Variants in ZNF536 observed in about 807,000 individuals in gnomAD.
ZNF536 encodes the protein zinc finger protein 536.
ZNF536 carries 13 observed loss-of-function variants against 84.5 expected under a neutral mutation model. The observed-to-expected ratio is 0.15, with a 90% CI of 0.10 to 0.24. ZNF536 has a LOEUF of 0.24. ZNF536 is among the 10% of genes least tolerant of loss of function. The pLI is 1.00. For missense variants in ZNF536, 1,536 were observed against 1,747.5 expected (o/e 0.88, Z 2.16); for synonymous variants, 811 against 742.5 (o/e 1.09, Z -1.50).
At chr19:30,621,980 C>T (rs1332990047) in intron 1 of ZNF536, among the ~76,000 whole-genome samples, 4 of 152,254 alleles carry the variant, frequency 2.6e-5, no homozygotes, top group African/African-American at 9.6e-5. Context: ...CTCCTCAAAA[C>T]AGAAGATTAA....
rs2148179796 is a variant in ZNF536, at chr19:30,444,336, C to G, written c.774C>G (p.Pro258=). Residue 258 remains proline (P), a synonymous_variant, in exon 2 of 5, where the codon CCC becomes CCG. Transcript: ENST00000355537. ...ACGTGGCCCACCCGGTGCCCTCGCC[C>G]AAGCCTGCCAGCGTGCAGGAGGACG... ...VPDVAHPVPS[P]KPASVQEDAV... The G allele has an allele frequency of 1.3e-6, 2 of 1,595,062 alleles. No individual in the cohort carries two copies. Among genetic ancestry groups the G allele is most frequent in the Non-Finnish European group, 1.7e-6 (2 of 1,176,720 alleles).
At chr19:30,630,445 G>T (rs1043150370) in intron 1 of ZNF536, among the ~76,000 whole-genome samples, 1 of 152,280 alleles carries the variant, frequency 6.6e-6, no homozygotes, top group South Asian at 2.1e-4. Context: ...GTACCTGCGT[G>T]TGTGCACACG....
At position 30,580,719 on chromosome 19, in the gene ZNF536, G is replaced by A. The variant is rs541600537; in HGVS notation, c.169+31205G>A. 4.6e-5 allele frequency among the ~76,000 whole-genome samples: 7 copies of A among 152,256 alleles called. 1 individual carries two copies. In the South Asian group the frequency reaches 1.2e-3, roughly 27 times the overall value. On this transcript the variant is annotated intron_variant, in intron 1 of 1. Transcript: ENST00000592773. ...GGAGCTGCAGAAACAATAGGGTCTC[G>A]AGGAAATTCCAGCTCATCCTACTCT...
At chr19:30,623,549 C>A (rs999543975) in intron 1 of ZNF536, among the ~76,000 whole-genome samples, 13 of 152,234 alleles carry the variant, frequency 8.5e-5, no homozygotes, top group African/African-American at 2.9e-4. Flanking sequence ...TCAGGCCCAG[C>A]AGCCTCCCAG....
chr19:30,586,449 G>A lies in ZNF536; in HGVS notation c.169+36935G>A, dbSNP rs375278401. ...TGAATTCAGAATCAGGTGGACAAAT[G>A]CATGTAACTGAAGGAGTAACTGACA... On this transcript the variant is annotated intron_variant, in intron 1 of 1. Transcript: ENST00000592773. 3.9e-4 allele frequency among the ~76,000 whole-genome samples: 60 copies of A among 152,334 alleles called. 1 individual carries two copies. In the South Asian group the frequency reaches 0.012, roughly 32 times the overall value.
rs1353237599 is a variant in ZNF536 at position 30,548,470 on chromosome 19, G to A, written c.2851G>A (p.Gly951Arg). The change falls in exon 4 of 5, where the codon GGA (glycine) becomes AGA (arginine). Residue 951 changes from glycine (G) to arginine (R), a missense_variant. Physicochemically the swap from Gly to Arg is moderately radical, Grantham distance 125. Around this residue, in one of 8 missense-constraint regions of ZNF536, gnomAD observed 624 missense variants for 603.1 expected, o/e 1.03. Transcript: ENST00000355537. ...LADPPSMKVH[G>R]VDGGEEKPSG... The stretch of plus-strand genomic sequence containing the variant: ...TGACCCCCCTTCCATGAAAGTCCAC[G>A]GAGTGGATGGTGGTGAGGAGAAACC... 26 of 1,614,080 alleles carry A rather than the reference G, an allele frequency of 1.6e-5. No homozygotes were observed. The East Asian group carries it at 1.8e-4, about 11-fold the overall frequency.
At chr19:30,480,908 G>C (rs1020920271) in intron 2 of ZNF536, among the ~76,000 whole-genome samples, 1 of 151,756 alleles carries the variant, frequency 6.6e-6, no homozygotes, top group African/African-American at 2.4e-5. Context: ...TGGTGGATGC[G>C]GCTGTAATTC....
chr19:30,350,238 G>A (rs184661982), intron 2 of ZNF536, among the ~76,000 whole-genome samples: 234 of 152,138 alleles, frequency 1.5e-3, no homozygotes, highest in Admixed American at 2.4e-3. Flanking sequence ...TTCAAATTTC[G>A]GCGTTTAAGC....
intron 2 of ZNF536, among the ~76,000 whole-genome samples, chr19:30,312,775 T>G (rs1243285928): frequency 1.3e-5 from 2 of 152,210 alleles, no homozygotes; most frequent in African/African-American, 4.8e-5. Flanking sequence ...CTTCGGACTG[T>G]GCCTCGGGCG....
intron 1 of ZNF536, among the ~76,000 whole-genome samples, chr19:30,624,739 T>C (rs2048612931): frequency 2.6e-5 from 4 of 152,060 alleles, no homozygotes. Flanking sequence ...TGGCTTTGTA[T>C]CCCCCACCCA....
At chr19:30,447,959 T>C (rs1291254526) in intron 2 of ZNF536, among the ~76,000 whole-genome samples, 1 of 152,216 alleles carries the variant, frequency 6.6e-6, no homozygotes, top group African/African-American at 2.4e-5. Flanking sequence ...TCTGGCCAAG[T>C]GATAGCCTCA....
At chr19:30,272,776 C>T (rs892029468) in intron 1 of ZNF536, among the ~76,000 whole-genome samples, 11 of 152,150 alleles carry the variant, frequency 7.2e-5, no homozygotes, top group African/African-American at 2.4e-4. Flanking sequence ...AATAATATTC[C>T]ATTATATGGA....
intron 2 of ZNF536, among the ~76,000 whole-genome samples, chr19:30,529,431 G>A (rs1488729047): frequency 6.6e-6 from 1 of 152,056 alleles, no homozygotes; most frequent in Non-Finnish European, 1.5e-5. Flanking sequence ...TGTCTAACTG[G>A]TACTGCCGCT....
At chr19:30,686,206 C>T (rs923362300) in intron 1 of ZNF536, among the ~76,000 whole-genome samples, 1 of 152,094 alleles carries the variant, frequency 6.6e-6, no homozygotes, top group Non-Finnish European at 1.5e-5. Flanking sequence ...CTGTCTCTAG[C>T]CAGCTCATTC....
intron 2 of ZNF536, among the ~76,000 whole-genome samples, chr19:30,327,055 C>T (rs2047064700): frequency 6.6e-6 from 1 of 151,948 alleles, no homozygotes; most frequent in Non-Finnish European, 1.5e-5. Flanking sequence ...TAACTGGAGG[C>T]TGCAGTGAGC....
At chr19:30,267,476 T>C (rs889188128) in intron 1 of ZNF536, among the ~76,000 whole-genome samples, 17 of 151,844 alleles carry the variant, frequency 1.1e-4, no homozygotes, top group African/African-American at 4.1e-4. Context: ...AAAGGAAAAA[T>C]AGAGTGAAGG....
At chr19:30,249,794 G>A (rs1190967904) in intron 1 of ZNF536, among the ~76,000 whole-genome samples, 1 of 152,198 alleles carries the variant, frequency 6.6e-6, no homozygotes. Flanking sequence ...TTGGGGAATG[G>A]AGGTGGAAGG....
At chr19:30,303,133 G>C (rs1478043372) in intron 2 of ZNF536, among the ~76,000 whole-genome samples, 1 of 152,202 alleles carries the variant, frequency 6.6e-6, no homozygotes, top group Non-Finnish European at 1.5e-5. Flanking sequence ...GGAGCTCCTA[G>C]ATGGGTGATG....
At chr19:30,567,313 TGG>T (rs1286675932) in intron 1 of ZNF536, among the ~76,000 whole-genome samples, 2 of 152,172 alleles carry the variant, frequency 1.3e-5, no homozygotes, top group Non-Finnish European at 2.9e-5. Context: ...GGCGGGGCAC[TGG>T]GTAGGGACCA....
Sources: gnomAD v4.1 joint callset for allele counts (sites outside exome capture counted in the v4.1 genomes callset) on GRCh38, gnomAD v4.1.1 for gene constraint, gnomAD v4.1.1 regional missense constraint, MANE v1.5 for transcripts, NCBI Gene and HGNC (gene_info 2026-07-23, HGNC 2026-07-21) for gene names.